SMUG1: variants seen among roughly 807,000 people sequenced by gnomAD.
The protein encoded by SMUG1 is single-strand selective monofunctional uracil DNA glycosylase.
SMUG1 carries 13 observed loss-of-function variants against 23.9 expected under a neutral mutation model. The ratio of observed to expected loss-of-function variants is 0.54; its 90% confidence interval spans 0.35 to 0.86. SMUG1 has a LOEUF of 0.86. SMUG1 is among the 40% of genes least tolerant of loss of function. The pLI is 0.01. For synonymous variants in SMUG1, 133 were observed against 139.8 expected, an observed-to-expected ratio of 0.95 and a Z score of 0.34; for missense variants, 313 against 339.5, an observed-to-expected ratio of 0.92 and a Z score of 0.61.
intron 3 of SMUG1, 39 bp downstream of exon 3, chr12:54,183,617 A>AC: frequency 6.2e-7 from 1 of 1,604,762 alleles, no homozygotes; most frequent in Admixed American, 1.7e-5. Context: ...TCCACCTAGA[A>AC]CCCCCCACTC....
chr12:54,177,209 A>G (rs1477411764), downstream of SMUG1, among the ~76,000 whole-genome samples: 1 of 152,216 alleles, frequency 6.6e-6, no homozygotes, highest in African/African-American at 2.4e-5. Flanking sequence ...CCTTGGCTGC[A>G]TATTGGTAGC....
At chr12:54,186,599 C>CA (rs921013708) in intron 2 of SMUG1, among the ~76,000 whole-genome samples, 8 of 152,146 alleles carry the variant, frequency 5.3e-5, no homozygotes. Context: ...CTCAGCCTCC[C>CA]AAAGTGCTGG....
chr12:54,170,514 A>G (rs1415347803), intron 3 of SMUG1, among the ~76,000 whole-genome samples: 1 of 151,994 alleles, frequency 6.6e-6, no homozygotes, highest in Non-Finnish European at 1.5e-5. Flanking sequence ...AAGAATGATC[A>G]AGCCAAGAGC....
Position 54,183,555 on chromosome 12 carries a change from CA to C in SMUG1, c.285+100del, listed in dbSNP as rs764303878. 4.9e-6 allele frequency: 6 copies of C among 1,230,128 alleles called. No homozygotes were observed. In the South Asian group the frequency reaches 7.5e-5, roughly 15 times the overall value. 76.2% of individuals were successfully genotyped at this position (1,230,128 alleles called of 1,614,324 possible). On this transcript the variant is annotated intron_variant, in intron 3 of 3. Coordinates refer to ENST00000682136, the MANE Select transcript of SMUG1 (RefSeq NM_001243787.2). Reference sequence around the variant, plus strand: ...ACAGAATGGGGCGGGAGGACCTACACATGTCTACAGCCATGCACATGCTCCT... The same window carrying C: ...ACAGAATGGGGCGGGAGGACCTACACTGTCTACAGCCATGCACATGCTCCT...
At chr12:54,158,862 C>T (rs1940132460) in intron 4 of SMUG1, among the ~76,000 whole-genome samples, 1 of 152,202 alleles carries the variant, frequency 6.6e-6, no homozygotes, top group African/African-American at 2.4e-5. Context: ...CCTCTATCTC[C>T]ACCTTTCTGT....
chr12:54,181,560 T>C lies in SMUG1; in HGVS notation c.*536A>G, dbSNP rs1249962193. ...AAGCCAGGTCTTCTGACTTGCACTC[T>C]GTCACACTGGATTTTTCCTCTGATC... On this transcript the variant is annotated 3_prime_UTR_variant, in exon 4 of 4. Coordinates refer to ENST00000682136, the MANE Select transcript of SMUG1 (RefSeq NM_001243787.2). The C allele has an allele frequency of 6.5e-7, 1 of 1,550,068 alleles. No individual in the cohort carries two copies. The highest frequency in any genetic ancestry group is 8.7e-7 in the Non-Finnish European group (1 of 1,153,946).
chr12:54,182,117 C>T lies in SMUG1; in HGVS notation c.792G>A (p.Leu264=). The T allele has an allele frequency of 1.9e-6, 3 of 1,544,982 alleles. No individual in the cohort carries two copies. Among genetic ancestry groups the T allele is most frequent in the Non-Finnish European group, 2.6e-6 (3 of 1,145,600 alleles). ...VAKERLNELG[L]LPLLLK is the part of the protein sequence containing the mutation. The stretch of plus-strand genomic sequence containing the variant: ...GCACTCATTTCAACAGCAGTGGCAG[C>T]AGCCCCAGCTCATTCAATCTTTCCT... Residue 264 remains leucine (L), a synonymous_variant, in exon 4 of 4, where the codon CTG becomes CTA. Transcript: ENST00000682136.
At chr12:54,176,884 C>T (rs1251072529), downstream of SMUG1, among the ~76,000 whole-genome samples, 1 of 151,254 alleles carries the variant, frequency 6.6e-6, no homozygotes, top group Non-Finnish European at 1.5e-5. Flanking sequence ...ATCTATCCCT[C>T]AGAAGCTCAG....
intron 1 of SMUG1, among the ~76,000 whole-genome samples, chr12:54,188,286 A>T (rs1032424838): frequency 1.0e-4 from 3 of 28,598 alleles, no homozygotes; most frequent in Non-Finnish European, 7.8e-5. Flanking sequence ...TAATAATAAT[A>T]ATAATAATAA....
At chr12:54,188,295 A>AATAATAAATAATAAT (rs869289712) in intron 1 of SMUG1, among the ~76,000 whole-genome samples, 5 of 68,894 alleles carry the variant, frequency 7.3e-5, no homozygotes, top group African/African-American at 1.8e-4. Context: ...TAATAATAAT[A>AATAATAAATAATAAT]AATAATAATA....
In SMUG1 at chr12:54,181,912, A is replaced by G; in HGVS notation, c.*184T>C. Reference sequence around the variant, plus strand: ...GAAAGCAGGAATCAGGAGGGCAAACAGGAGTAGTGTCAAAACTGCCATGGC... The same window carrying G: ...GAAAGCAGGAATCAGGAGGGCAAACGGGAGTAGTGTCAAAACTGCCATGGC... On this transcript the variant is annotated 3_prime_UTR_variant, in exon 4 of 4. Coordinates refer to ENST00000682136, the MANE Select transcript of SMUG1 (RefSeq NM_001243787.2). 6.9e-7 allele frequency: 1 copy of G among 1,440,608 alleles called. No individual in the cohort carries two copies. Among genetic ancestry groups the G allele is most frequent in the Non-Finnish European group, 9.1e-7 (1 of 1,100,074 alleles). The allele number at this position is 1,440,608 out of a possible 1,614,324, so 89.2% of individuals were successfully genotyped here.
chr12:54,182,594 C>T lies in SMUG1; in HGVS notation c.315G>A (p.Arg105=), dbSNP rs1941361855. Residue 105 remains arginine, a synonymous_variant, in exon 4 of 4, where the codon CGG becomes CGA. Coordinates refer to ENST00000682136, the MANE Select transcript of SMUG1 (RefSeq NM_001243787.2). ...CAGGCCCCACAATGCCCAACCAGTC[C>T]CGGACCATGCTTACTTCCCCAAAGG... ...GVPFGEVSMV[R]DWLGIVGPVL... 3 of 1,611,772 alleles carry T rather than the reference C, an allele frequency of 1.9e-6. No homozygotes were observed. The highest frequency in any genetic ancestry group is 2.2e-5 in the South Asian group (2 of 90,956).
At chr12:54,171,308 T>C (rs1940609026) in intron 3 of SMUG1, among the ~76,000 whole-genome samples, 1 of 150,930 alleles carries the variant, frequency 6.6e-6, no homozygotes, top group East Asian at 2.0e-4. Context: ...CCACCTTCAC[T>C]TTCTATCAGC....
rs527297271 is a variant in SMUG1, at chr12:54,183,574, A to G, written c.285+82T>C. The G allele has an allele frequency of 1.8e-5, 25 of 1,426,018 alleles. No homozygotes were observed. In the East Asian group the frequency reaches 5.0e-4, roughly 29 times the overall value. The allele number at this position is 1,426,018 out of a possible 1,614,324, so 88.3% of individuals were successfully genotyped here. On this transcript the variant is annotated intron_variant, in intron 3 of 3. Transcript: ENST00000682136. ...CCTACACATGTCTACAGCCATGCAC[A>G]TGCTCCTTCTCCACAGCACACCCAG...
At position 54,180,668 on chromosome 12, in the gene SMUG1, A is replaced by T. The variant is rs965037215; in HGVS notation, c.*1428T>A. On this transcript the variant is annotated 3_prime_UTR_variant, in exon 4 of 4. Coordinates refer to ENST00000682136, the MANE Select transcript of SMUG1 (RefSeq NM_001243787.2). ...TCCAGAGTATCATATAAGACCCCTA[A>T]CAGACACTTAACAGAGACCCTGCAG... 6.6e-6 allele frequency: 1 copy of T among 152,134 alleles called. No homozygotes were observed. Among genetic ancestry groups the T allele is most frequent in the African/African-American group, 2.4e-5 (1 of 41,418 alleles). 9.4% of individuals were successfully genotyped at this position (152,134 alleles called of 1,614,324 possible).
At chr12:54,159,865 G>A (rs776779500), downstream of SMUG1, among the ~76,000 whole-genome samples, 2 of 152,250 alleles carry the variant, frequency 1.3e-5, no homozygotes, top group South Asian at 2.1e-4. Context: ...AGCCTGGGAC[G>A]TGTTTTGCAT....
chr12:54,177,873 A>T (rs149439232), downstream of SMUG1, among the ~76,000 whole-genome samples: 2 of 152,220 alleles, frequency 1.3e-5, no homozygotes, highest in African/African-American at 4.8e-5. Flanking sequence ...CAAAAAAAGC[A>T]GTGACATGAC....
intron 2 of SMUG1, among the ~76,000 whole-genome samples, chr12:54,185,547 T>C (rs1942256184): frequency 1.4e-5 from 2 of 147,248 alleles, no homozygotes; most frequent in Non-Finnish European, 3.0e-5. Context: ...GCGCAACAGC[T>C]CATGCCTGTA....
At position 54,182,003 on chromosome 12, in the gene SMUG1, C is replaced by G; in HGVS notation, c.*93G>C. On this transcript the variant is annotated 3_prime_UTR_variant, in exon 4 of 4. Coordinates refer to ENST00000682136, the MANE Select transcript of SMUG1 (RefSeq NM_001243787.2). ...CAGCGACCAGGGTGCACAGAAGGAC[C>G]TTTTGCTCCAGTCCAGGAGATGTGT... is the stretch of plus-strand genomic sequence containing the variant. 1.3e-6 allele frequency: 2 copies of G among 1,508,210 alleles called. No homozygotes were observed. The highest frequency in any genetic ancestry group is 1.4e-5 in the South Asian group (1 of 72,670). 93.4% of individuals were successfully genotyped at this position (1,508,210 alleles called of 1,614,324 possible).
Sources: gnomAD v4.1 joint callset for allele counts (sites outside exome capture counted in the v4.1 genomes callset) on GRCh38, gnomAD v4.1.1 for gene constraint, MANE v1.5 for transcripts, NCBI Gene and HGNC (gene_info 2026-07-23, HGNC 2026-07-21) for gene names.